The following THRB variants were observed in gnomAD, a reference collection of about 807,000 sequenced individuals.
THRB encodes thyroid hormone receptor beta.
THRB carries 12 observed loss-of-function variants against 47.8 expected under a neutral mutation model. That is an observed-to-expected ratio of 0.25 (90% CI 0.16 to 0.41). THRB has a LOEUF of 0.41. THRB is among the 10% of genes least tolerant of loss of function. THRB has a pLI of 1.00. For synonymous variants in THRB, 218 were observed against 212.2 expected (o/e 1.03, Z -0.24); for missense variants, 348 against 589.2 (o/e 0.59, Z 4.24).
chr3:24,276,041 C>CT (rs1272650929), intron 3 of THRB, among the ~76,000 whole-genome samples: 5,399 of 143,600 alleles, frequency 0.038, 291 homozygotes, highest in African/African-American at 0.12. Context: ...CAGTCTTCTA[C>CT]TTTTTTTTTT....
rs150203842 is a variant in THRB at position 24,129,608 on chromosome 3, A to G, written c.886-1851T>C. Among the ~76,000 whole-genome samples, 248 of 152,380 alleles carry G rather than the reference A, an allele frequency of 1.6e-3. 1 individual carries two copies. Among genetic ancestry groups the G allele is most frequent in the Non-Finnish European group, 2.8e-3 (189 of 68,040 alleles). On this transcript the variant is annotated intron_variant, in intron 9 of 10. Transcript: ENST00000646209. The stretch of plus-strand genomic sequence containing the variant: ...ACTAGGCCAGATGCCTTTTCCTTTA[A>G]GAGGGATTTGTAGGATCCTGGTGAG...
At chr3:24,467,076 TC>T (rs2074214303) in intron 1 of THRB, among the ~76,000 whole-genome samples, 1 of 152,230 alleles carries the variant, frequency 6.6e-6, no homozygotes, top group African/African-American at 2.4e-5. Context: ...TATGGAATAT[TC>T]TAAATCCTTT....
chr3:24,459,314 T>A (rs1303727025), intron 1 of THRB: 1 of 152,244 alleles, frequency 6.6e-6, no homozygotes, highest in Non-Finnish European at 1.5e-5. Context: ...TATGACTGCA[T>A]AGTATTCCAT....
chr3:24,464,106 C>T (rs964385079), intron 1 of THRB, among the ~76,000 whole-genome samples: 6 of 151,976 alleles, frequency 3.9e-5, no homozygotes, highest in South Asian at 2.1e-4. Context: ...ATTAGCCGGG[C>T]GAGGTGGCAG....
At chr3:24,358,756 G>C (rs946195177) in intron 1 of THRB, among the ~76,000 whole-genome samples, 3 of 151,914 alleles carry the variant, frequency 2.0e-5, no homozygotes, top group African/African-American at 4.8e-5. Flanking sequence ...GTCAATTCTC[G>C]CATGGTTATT....
intron 1 of THRB, among the ~76,000 whole-genome samples, chr3:24,408,873 T>C (rs1435837190): frequency 1.3e-5 from 2 of 151,832 alleles, no homozygotes; most frequent in African/African-American, 2.4e-5. Context: ...CAGGGCTTAT[T>C]TGAACATTAA....
intron 1 of THRB, among the ~76,000 whole-genome samples, chr3:24,480,104 C>T (rs1696138298): frequency 6.6e-6 from 1 of 152,210 alleles, no homozygotes; most frequent in African/African-American, 2.4e-5. Context: ...TGGCTGCTGT[C>T]CCTTCCTGGC....
intron 1 of THRB, chr3:24,486,600 T>C (rs1697337657): frequency 1.3e-5 from 2 of 152,242 alleles, no homozygotes; most frequent in Non-Finnish European, 2.9e-5. Flanking sequence ...CAATACCTTA[T>C]GTTTATGAAC....
intron 6 of THRB, 43 bp from the exon 7 acceptor site, chr3:24,146,865 C>G (rs986232747): frequency 1.9e-6 from 3 of 1,593,544 alleles, no homozygotes; most frequent in African/African-American, 2.7e-5. Context: ...TTCATATTTT[C>G]TTGAAATCAG....
chr3:24,426,115 T>C (rs1270153129), intron 1 of THRB, among the ~76,000 whole-genome samples: 1 of 152,000 alleles, frequency 6.6e-6, no homozygotes, highest in African/African-American at 2.4e-5. Flanking sequence ...TATCTATCTA[T>C]GTGTCTATCT....
intron 1 of THRB, among the ~76,000 whole-genome samples, chr3:24,390,996 C>T (rs981854926): frequency 2.6e-5 from 4 of 152,022 alleles, no homozygotes; most frequent in Non-Finnish European, 5.9e-5. Context: ...AAAGCTGAAT[C>T]TTTTCAGGGT....
chr3:24,264,717 CA>C (rs1354985461), intron 3 of THRB, among the ~76,000 whole-genome samples: 1 of 149,316 alleles, frequency 6.7e-6, no homozygotes, highest in Non-Finnish European at 1.5e-5. Flanking sequence ...TTCAATTAAT[CA>C]AAAAAAGAAT....
intron 1 of THRB, chr3:24,430,816 A>G (rs1295690563): frequency 2.0e-5 from 3 of 152,148 alleles, no homozygotes; most frequent in Non-Finnish European, 2.9e-5. Flanking sequence ...TGACCCAAGA[A>G]TACATCATCA....
At chr3:24,390,862 G>T (rs1233939322) in intron 1 of THRB, among the ~76,000 whole-genome samples, 2 of 150,240 alleles carry the variant, frequency 1.3e-5, no homozygotes, top group African/African-American at 4.9e-5. Flanking sequence ...GTAGAATATT[G>T]GCCCCAATTC....
intron 2 of THRB, among the ~76,000 whole-genome samples, chr3:24,320,243 T>G (rs1420702049): frequency 6.6e-6 from 1 of 152,262 alleles, no homozygotes. Context: ...TGAAGCCTGC[T>G]GTGTCTGCTA....
intron 1 of THRB, among the ~76,000 whole-genome samples, chr3:24,487,227 G>A (rs1181502676): frequency 6.6e-6 from 1 of 151,940 alleles, no homozygotes; most frequent in Non-Finnish European, 1.5e-5. Context: ...CACTTTTTAT[G>A]AACTGTATTA....
chr3:24,320,159 C>G (rs1474589786), intron 2 of THRB, among the ~76,000 whole-genome samples: 2 of 152,058 alleles, frequency 1.3e-5, no homozygotes, highest in Non-Finnish European at 2.9e-5. Context: ...ATACTAAAAC[C>G]AGAAGAGAGA....
At chr3:24,258,232 C>G (rs576616248) in intron 3 of THRB, among the ~76,000 whole-genome samples, 1 of 152,186 alleles carries the variant, frequency 6.6e-6, no homozygotes, top group Non-Finnish European at 1.5e-5. Context: ...GCAAGCGACG[C>G]CTAAGAACCA....
intron 4 of THRB, among the ~76,000 whole-genome samples, chr3:24,217,975 T>A (rs751798638): frequency 5.4e-4 from 82 of 152,296 alleles, no homozygotes; most frequent in Non-Finnish European, 8.1e-4. Context: ...TCATTAAAAA[T>A]ATCTTTCCTG....
Sources: allele counts gnomAD v4.1 joint callset (sites outside exome capture counted in the v4.1 genomes callset), GRCh38; gene constraint gnomAD v4.1.1; transcripts MANE v1.5; gene names NCBI Gene and HGNC (gene_info 2026-07-23, HGNC 2026-07-21).